Variants in PRKAA2 observed in about 807,000 individuals in gnomAD.
PRKAA2 encodes the protein protein kinase AMP-activated catalytic subunit alpha 2, also known as 5'-AMP-activated protein kinase catalytic subunit alpha-2.
Under a neutral mutation model 56.3 loss-of-function variants are expected in PRKAA2, and 40 were observed. The ratio of observed to expected loss-of-function variants is 0.71; its 90% CI spans 0.55 to 0.92. The LOEUF (loss-of-function observed/expected upper bound fraction) is 0.92. Ranked by LOEUF, PRKAA2 falls within the 40% of genes least tolerant of loss-of-function variation. The probability of loss-of-function intolerance (pLI) is 0.00; values close to 1 mark genes in which losing one functional copy is unlikely to be tolerated. For synonymous variants in PRKAA2, 214 were observed against 234.2 expected, an observed-to-expected ratio of 0.91 and a Z score of 0.79; for missense variants, 542 against 686.9, an observed-to-expected ratio of 0.79 and a Z score of 2.36.
chr1:56,645,680 AG>A (rs1018922296), intron 1 of PRKAA2, among the ~76,000 whole-genome samples, 199 bp downstream of exon 1: 36 of 151,990 alleles, frequency 2.4e-4, no homozygotes, highest in African/African-American at 8.4e-4. Context: ...CACAGGGTCC[AG>A]GGAAGAGGGC....
chr1:56,675,703 A>G (rs535337244), intron 2 of PRKAA2, among the ~76,000 whole-genome samples: 6 of 152,318 alleles, frequency 3.9e-5, no homozygotes, highest in Non-Finnish European at 8.8e-5. Flanking sequence ...TATAAACTTT[A>G]TATGCATATA....
intron 1 of PRKAA2, among the ~76,000 whole-genome samples, chr1:56,649,792 A>C (rs531673463): frequency 2.6e-5 from 4 of 152,182 alleles, no homozygotes; most frequent in African/African-American, 9.6e-5. Context: ...TGTTATGCTA[A>C]TTATAGATTT....
intron 1 of PRKAA2, among the ~76,000 whole-genome samples, chr1:56,670,443 A>G (rs1644066909): frequency 6.6e-6 from 1 of 152,162 alleles, no homozygotes; most frequent in Non-Finnish European, 1.5e-5. Context: ...TGATAATTCT[A>G]GGCTTCAGGA....
chr1:56,656,713 A>G (rs1643946515), intron 1 of PRKAA2, among the ~76,000 whole-genome samples: 1 of 152,178 alleles, frequency 6.6e-6, no homozygotes, highest in African/African-American at 2.4e-5. Context: ...TCCCAACTTC[A>G]TGTACCCCTG....
At chr1:56,687,631 G>A (rs1158765059) in intron 2 of PRKAA2, among the ~76,000 whole-genome samples, 1 of 152,022 alleles carries the variant, frequency 6.6e-6, no homozygotes, top group East Asian at 1.9e-4. Flanking sequence ...TTAAATAAAA[G>A]GTCATTCATG....
chr1:56,661,824 T>C (rs1205937369), intron 1 of PRKAA2, among the ~76,000 whole-genome samples: 1 of 152,086 alleles, frequency 6.6e-6, no homozygotes, highest in African/African-American at 2.4e-5. Context: ...TTTAAGTTGT[T>C]TGAGATGCAA....
intron 6 of PRKAA2, among the ~76,000 whole-genome samples, chr1:56,699,633 C>G (rs144232374): frequency 1.1e-3 from 162 of 152,138 alleles, no homozygotes; most frequent in African/African-American, 3.5e-3. Flanking sequence ...AAATTTATCC[C>G]TTTAGATTGT....
At chr1:56,682,810 A>G (rs766016875) in intron 2 of PRKAA2, among the ~76,000 whole-genome samples, 5 of 152,210 alleles carry the variant, frequency 3.3e-5, no homozygotes, top group Non-Finnish European at 7.3e-5. Context: ...CAGTGGCCAC[A>G]TGTGGCTGTG....
chr1:56,680,961 T>G (rs1217329820), intron 2 of PRKAA2, among the ~76,000 whole-genome samples: 3 of 152,240 alleles, frequency 2.0e-5, no homozygotes, highest in Non-Finnish European at 4.4e-5. Context: ...TGAACTAGTT[T>G]ACAGTCCCAC....
At chr1:56,673,466 G>T (rs1644091868) in intron 1 of PRKAA2, among the ~76,000 whole-genome samples, 1 of 152,136 alleles carries the variant, frequency 6.6e-6, no homozygotes, top group African/African-American at 2.4e-5. Flanking sequence ...CTGAAAGGAG[G>T]GTTAGATAGA....
In PRKAA2 at chr1:56,663,278, G is replaced by A. The variant is rs76175530; in HGVS notation, c.95-11103G>A. Among the ~76,000 whole-genome samples the A allele has an allele frequency of 3.1e-3, 472 of 152,168 alleles. 2 individuals carry two copies. The highest frequency in any genetic ancestry group is 0.01 in the African/African-American group (434 of 41,522). The stretch of plus-strand genomic sequence containing the variant: ...TTTTAAACAATATTTTTGAAGAGAC[G>A]GGGTCTTGCTATGTTGCCAGGCTGG... On this transcript the variant is annotated intron_variant, in intron 1 of 8. Coordinates refer to ENST00000371244, the MANE Select transcript of PRKAA2 (RefSeq NM_006252.4).
chr1:56,681,143 C>T (rs543252670), intron 2 of PRKAA2, among the ~76,000 whole-genome samples: 21 of 152,290 alleles, frequency 1.4e-4, no homozygotes, highest in African/African-American at 3.6e-4. Context: ...CTGTTGGCTG[C>T]GTAAATGTCT....
At chr1:56,677,948 C>T (rs765762411) in intron 2 of PRKAA2, among the ~76,000 whole-genome samples, 5 of 152,140 alleles carry the variant, frequency 3.3e-5, no homozygotes, top group African/African-American at 9.7e-5. Flanking sequence ...TGAGCCACTG[C>T]GCCCAGGCCC....
intron 2 of PRKAA2, among the ~76,000 whole-genome samples, chr1:56,678,932 G>A (rs893231582): frequency 1.3e-5 from 2 of 152,120 alleles, no homozygotes; most frequent in East Asian, 1.9e-4. Flanking sequence ...TTGACTTCGT[G>A]ATCTGCCCAC....
chr1:56,705,839 A>G (rs950897079), intron 7 of PRKAA2, among the ~76,000 whole-genome samples: 3 of 152,184 alleles, frequency 2.0e-5, no homozygotes, highest in Admixed American at 6.5e-5. Context: ...GTTCTCTTTA[A>G]GTTTTTCCTT....
intron 1 of PRKAA2, among the ~76,000 whole-genome samples, chr1:56,664,933 G>A (rs930238897): frequency 5.3e-5 from 8 of 149,990 alleles, no homozygotes; most frequent in Admixed American, 4.0e-4. Context: ...TATGAGGCAC[G>A]CATTACCATT....
rs1644372882 is a variant in PRKAA2 at position 56,712,165 on chromosome 1, A to T, written c.*4452A>T. 6.6e-6 allele frequency: 1 copy of T among 152,212 alleles called. No individual in the cohort carries two copies. The highest frequency in any genetic ancestry group is 6.6e-5 in the Admixed American group (1 of 15,266). 9.4% of individuals were successfully genotyped at this position (152,212 alleles called of 1,614,324 possible). On this transcript the variant is annotated 3_prime_UTR_variant, in exon 9 of 9. Transcript: ENST00000371244. ...AAAGCATTTTTGCCATTTCCAGATGAGGAAGCAGGACCAGAAAGCTCTTCA... is the reference window on the plus strand; with the variant it reads ...AAAGCATTTTTGCCATTTCCAGATGTGGAAGCAGGACCAGAAAGCTCTTCA...
rs1256189019 is a variant in PRKAA2, at chr1:56,704,263, C to T, written c.1081C>T (p.Pro361Ser). Residue 361 changes from proline (P) to serine (S), a missense_variant, in exon 7 of 9, where the codon CCA (proline) becomes TCA (serine). Around this residue, in one of 5 missense-constraint regions of PRKAA2, gnomAD observed 198 missense variants for 234.0 expected, o/e 0.85. Coordinates refer to ENST00000371244, the MANE Select transcript of PRKAA2 (RefSeq NM_006252.4). Reference protein sequence around the residue: ...FMDDSAMHIPPGLKPHPERMP... With the variant: ...FMDDSAMHIPSGLKPHPERMP... ...GGATGATAGTGCCATGCATATTCCC[C>T]CAGGCCTGAAACCTCATCCAGAAAG... 1.9e-6 allele frequency: 3 copies of T among 1,614,080 alleles called. No homozygotes were observed. Among genetic ancestry groups the T allele is most frequent in the Admixed American group, 3.3e-5 (2 of 59,998 alleles).
At chr1:56,658,500 G>A (rs539516821) in intron 1 of PRKAA2, among the ~76,000 whole-genome samples, 243 of 152,094 alleles carry the variant, frequency 1.6e-3, no homozygotes, top group African/African-American at 5.0e-3. Flanking sequence ...ATTCTCCAAC[G>A]GTGTTAAAGA....
Sources: gnomAD v4.1 joint callset for allele counts (sites outside exome capture counted in the v4.1 genomes callset) on GRCh38, gnomAD v4.1.1 for gene constraint, gnomAD v4.1.1 regional missense constraint, MANE v1.5 for transcripts, NCBI Gene and HGNC (gene_info 2026-07-23, HGNC 2026-07-21) for gene names.